Variants in GLIS3 observed in about 807,000 individuals in gnomAD.
The protein encoded by GLIS3 is GLIS family zinc finger 3, also known as zinc finger protein GLIS3.
Under a neutral mutation model 78.6 loss-of-function variants are expected in GLIS3, and 53 were observed. That is an observed-to-expected ratio of 0.67 (90% confidence interval 0.54 to 0.85). The LOEUF (loss-of-function observed/expected upper bound fraction) is 0.85, where lower values mean the gene tolerates loss of function less well. Among genes scored for constraint, GLIS3 ranks in the 40% least tolerant of loss-of-function variants. The pLI is 0.00. For synonymous variants in GLIS3, 684 were observed against 509.9 expected (o/e 1.34, Z -4.60); for missense variants, 1,703 against 1,231.1 (o/e 1.38, Z -5.74).
the GLIS3 span, among the ~76,000 whole-genome samples, chr9:4,403,691 C>G: frequency 6.6e-6 from 1 of 151,982 alleles, no homozygotes; most frequent in Non-Finnish European, 1.5e-5. Context: ...TTGCAAGACT[C>G]ATGGTAACCT....
chr9:3,984,475 C>T (rs1819562551), intron 4 of GLIS3, among the ~76,000 whole-genome samples: 1 of 152,194 alleles, frequency 6.6e-6, no homozygotes, highest in South Asian at 2.1e-4. Flanking sequence ...TTGTTTCGGC[C>T]AATTTCTCCC....
At position 4,166,840 on chromosome 9, in the gene GLIS3, A is replaced by G. The variant is rs372898273; in HGVS notation, c.389-40899T>C. The stretch of plus-strand genomic sequence containing the variant: ...ATTAAGAGGGCAGATGGTAAGATGT[A>G]GAGACAGCCAAGTCTTCCTCCTCTT... On this transcript the variant is annotated intron_variant, in intron 2 of 10. Coordinates refer to ENST00000381971, the MANE Select transcript of GLIS3 (RefSeq NM_001042413.2). Among the ~76,000 whole-genome samples, 125 of 152,376 alleles carry G rather than the reference A, an allele frequency of 8.2e-4. 1 individual carries two copies. Among genetic ancestry groups the G allele is most frequent in the African/African-American group, 2.9e-3 (121 of 41,586 alleles).
At chr9:4,381,936 G>A in the GLIS3 span, among the ~76,000 whole-genome samples, 1 of 152,226 alleles carries the variant, frequency 6.6e-6, no homozygotes, top group African/African-American at 2.4e-5. Context: ...TGGCTAGGGA[G>A]ACCATCCTTG....
intron 2 of GLIS3, among the ~76,000 whole-genome samples, chr9:4,198,693 G>C (rs1819091307): frequency 6.6e-6 from 1 of 152,040 alleles, no homozygotes; most frequent in African/African-American, 2.4e-5. Flanking sequence ...CAGACACCTA[G>C]ATACAAGAAA....
At position 4,117,911 on chromosome 9, in the gene GLIS3, T is replaced by C. The variant is rs764402542; in HGVS notation, c.1567A>G (p.Lys523Glu). The C allele has an allele frequency of 6.2e-7, 1 of 1,614,018 alleles. No homozygotes were observed. The highest frequency in any genetic ancestry group is 1.3e-5 in the African/African-American group (1 of 74,992). Reference sequence around the variant, plus strand: ...CCTTTGCGCTGGTCGATGTGGACCTTCTCGATGTGCCGCACGAGCTCCTCC... The same window carrying C: ...CCTTTGCGCTGGTCGATGTGGACCTCCTCGATGTGCCGCACGAGCTCCTCC... ...QQEELVRHIE[K>E]VHIDQRKGED... The change falls in exon 4 of 11, where the codon AAG becomes GAG. Residue 523 changes from lysine to glutamate, a missense_variant. Transcript: ENST00000381971.
intron 4 of GLIS3, among the ~76,000 whole-genome samples, chr9:4,041,165 A>T (rs1824781213): frequency 6.6e-6 from 1 of 152,196 alleles, no homozygotes; most frequent in Non-Finnish European, 1.5e-5. Context: ...ATGACTGCAC[A>T]TGGGAATCCC....
Position 3,829,328 on chromosome 9 carries a change from T to C in GLIS3, c.2638A>G (p.Thr880Ala). 2 of 1,613,810 alleles carry C rather than the reference T, an allele frequency of 1.2e-6. No homozygotes were observed. The highest frequency in any genetic ancestry group is 1.1e-5 in the South Asian group (1 of 91,058). The change falls in exon 10 of 11, where the codon ACT (threonine) becomes GCT (alanine). Residue 880 changes from threonine to alanine, a missense_variant. Physicochemically the swap from Thr to Ala is moderately conservative, Grantham distance 58. Coordinates refer to ENST00000381971, the MANE Select transcript of GLIS3 (RefSeq NM_001042413.2). ...SFDVFHRAFS[T>A]HSGITVYDLP... ...AACACACCTGTAATGCCCGAGTGAG[T>C]CGAGAAGGCTCTGTGGAAAACATCA...
At chr9:3,945,948 A>C (rs12349660) in intron 4 of GLIS3, among the ~76,000 whole-genome samples, 11,908 of 152,140 alleles carry the variant, frequency 0.078, 775 homozygotes, top group African/African-American at 0.17. Context: ...CTGTTCCCCC[A>C]CATTTCCCAC....
chr9:4,435,844 G>A, the GLIS3 span, among the ~76,000 whole-genome samples: 2 of 152,166 alleles, frequency 1.3e-5, no homozygotes, highest in African/African-American at 4.8e-5. Context: ...AGCTACTTGG[G>A]AGGCTGAGGC....
At chr9:4,415,987 T>C in the GLIS3 span, among the ~76,000 whole-genome samples, 1 of 150,854 alleles carries the variant, frequency 6.6e-6, no homozygotes, top group Non-Finnish European at 1.5e-5. Context: ...ACAAATATAT[T>C]ATATACATTG....
the GLIS3 span, among the ~76,000 whole-genome samples, chr9:4,362,978 CAGAAGAAAAAG>C: frequency 2.6e-5 from 4 of 151,650 alleles, no homozygotes; most frequent in Non-Finnish European, 5.9e-5. Flanking sequence ...AAGATAGAGG[CAGAAGAAAAAG>C]AGAGGAAAAG....
chr9:4,334,129 G>C (rs1817721367), intron 2 of GLIS3, among the ~76,000 whole-genome samples: 1 of 152,132 alleles, frequency 6.6e-6, no homozygotes, highest in Non-Finnish European at 1.5e-5. Flanking sequence ...TGAGCAGTGA[G>C]ATCTCATAAA....
intron 4 of GLIS3, among the ~76,000 whole-genome samples, chr9:3,971,684 C>T (rs1818393164): frequency 3.3e-5 from 5 of 152,136 alleles, no homozygotes; most frequent in Non-Finnish European, 4.4e-5. Flanking sequence ...ATTGGCACAC[C>T]GTAACTGCTC....
chr9:4,384,657 C>A, the GLIS3 span, among the ~76,000 whole-genome samples: 1 of 151,948 alleles, frequency 6.6e-6, no homozygotes, highest in South Asian at 2.1e-4. Flanking sequence ...TTATCCCTAA[C>A]CTAAATCATG....
chr9:4,059,712 T>C (rs566496729), intron 4 of GLIS3, among the ~76,000 whole-genome samples: 12 of 152,094 alleles, frequency 7.9e-5, no homozygotes, highest in African/African-American at 2.9e-4. Flanking sequence ...CTGACAATGA[T>C]AGATTCCTCC....
intron 4 of GLIS3, among the ~76,000 whole-genome samples, chr9:3,948,158 T>G (rs1477533513): frequency 6.6e-6 from 1 of 152,188 alleles, no homozygotes; most frequent in African/African-American, 2.4e-5. Flanking sequence ...CATCTCCAGT[T>G]TCTTTTCTTT....
At chr9:4,066,469 G>A (rs986661999) in intron 4 of GLIS3, among the ~76,000 whole-genome samples, 1 of 152,162 alleles carries the variant, frequency 6.6e-6, no homozygotes, top group East Asian at 1.9e-4. Context: ...CCAGCCCAGA[G>A]GAGAAGCTCC....
intron 2 of GLIS3, among the ~76,000 whole-genome samples, chr9:4,328,499 C>G (rs1563934521): frequency 1.3e-5 from 2 of 152,320 alleles, no homozygotes; most frequent in South Asian, 4.2e-4. Flanking sequence ...TGGCTCTGCC[C>G]TAAACCATAA....
intron 2 of GLIS3, among the ~76,000 whole-genome samples, chr9:4,171,372 A>T (rs1816361131): frequency 6.6e-6 from 1 of 152,216 alleles, no homozygotes; most frequent in African/African-American, 2.4e-5. Context: ...TTAGAGAGAG[A>T]TTAGATTGAA....
Sources: gnomAD v4.1 joint callset for allele counts (sites outside exome capture counted in the v4.1 genomes callset) on GRCh38, gnomAD v4.1.1 for gene constraint, MANE v1.5 for transcripts, NCBI Gene and HGNC (gene_info 2026-07-23, HGNC 2026-07-21) for gene names.